Variants in TAFAZZIN observed in about 807,000 individuals in gnomAD.
TAFAZZIN encodes the protein protein G4.5.
In TAFAZZIN, 6 loss-of-function variants were observed where a neutral mutation model predicts 27.3. The observed-to-expected ratio is 0.22, with a 90% confidence interval of 0.12 to 0.43. The LOEUF is 0.43. Ranked by LOEUF, TAFAZZIN falls within the 20% of genes least tolerant of loss-of-function variation. The pLI is 1.00. For synonymous variants in TAFAZZIN, 79 were observed against 96.2 expected (o/e 0.82, Z 1.04); for missense variants, 127 against 244.5 (o/e 0.52, Z 3.21).
intron 5 of TAFAZZIN, among the ~76,000 whole-genome samples, chrX:154,414,700 A>C (rs2068431343): frequency 1.0e-5 from 1 of 96,519 alleles, no homozygotes; most frequent in Non-Finnish European, 2.1e-5. Context: ...TCAAAAAAAA[A>C]AAAAAAAGTG....
At chrX:154,415,999 C>T (rs1557192814) in intron 5 of TAFAZZIN, among the ~76,000 whole-genome samples, 2 of 110,623 alleles carry the variant, frequency 1.8e-5, no homozygotes, top group African/African-American at 6.6e-5. Context: ...TGGCTCATGC[C>T]TGTAATCCCA....
intron 9 of TAFAZZIN, 67 bp from the exon 10 acceptor site, chrX:154,420,591 G>A (rs1311375057): frequency 7.8e-6 from 9 of 1,147,225 alleles, no homozygotes; most frequent in African/African-American, 1.8e-5. Flanking sequence ...TCTGGCTCCC[G>A]GGTTGCTTGG....
chrX:154,413,168 T>C lies in TAFAZZIN; in HGVS notation c.239-39T>C, dbSNP rs782511473. On this transcript the variant is annotated intron_variant, in intron 2 of 10. Coordinates refer to ENST00000601016, the MANE Select transcript of TAFAZZIN (RefSeq NM_000116.5). ...GTGAAGGAAGGGCACTCCCTGGGGATATGGGAAGTTGGGGCATGAAGCCTT... is the reference window on the plus strand; with the variant it reads ...GTGAAGGAAGGGCACTCCCTGGGGACATGGGAAGTTGGGGCATGAAGCCTT... 5.8e-6 allele frequency: 7 copies of C among 1,207,891 alleles called. No homozygotes were observed. In the African/African-American group the frequency reaches 8.7e-5, roughly 15 times the overall value.
intron 5 of TAFAZZIN, among the ~76,000 whole-genome samples, chrX:154,417,143 A>C (rs2068514411): frequency 9.0e-6 from 1 of 111,449 alleles, no homozygotes; most frequent in African/African-American, 3.3e-5. Flanking sequence ...TCAAAAAAAA[A>C]AAAAACAAAA....
intron 2 of TAFAZZIN, chrX:154,412,793 C>T: frequency 4.1e-6 from 1 of 243,816 alleles, no homozygotes; most frequent in Non-Finnish European, 7.5e-6. Flanking sequence ...TCATGGGGAG[C>T]CACCTAGCCA....
chrX:154,419,739 C>G lies in TAFAZZIN; in HGVS notation c.576C>G (p.Phe192Leu), dbSNP rs1557193924. Residue 192 changes from phenylalanine to leucine, a missense_variant, in exon 7 of 11, where the codon TTC (phenylalanine) becomes TTG (leucine). By Grantham distance (22) the Phe-to-Leu change is conservative (BLOSUM62 0). Coordinates refer to ENST00000601016, the MANE Select transcript of TAFAZZIN (RefSeq NM_000116.5). The stretch of plus-strand genomic sequence containing the variant: ...ACATGAGTTCCGAATTCCTGCGTTT[C>G]AAGTGGGGTAAGGGCTGCTGGTCTC... ...KVNMSSEFLR[F>L]KWGIGRLIAE... 2.5e-6 allele frequency: 3 copies of G among 1,212,378 alleles called. No individual in the cohort carries two copies. In the East Asian group the frequency reaches 8.9e-5, roughly 36 times the overall value.
chrX:154,420,540 C>T, intron 9 of TAFAZZIN, 118 bp from the exon 10 acceptor site: 1 of 856,578 alleles, frequency 1.2e-6, no homozygotes, highest in Non-Finnish European at 1.7e-6. Flanking sequence ...GGAAGAGTGG[C>T]CCCTGGGGAG....
Position 154,411,861 on chromosome X carries a change from G to A in TAFAZZIN, c.18G>A (p.Lys6=). The change falls in exon 1 of 11, where the codon AAG becomes AAA. Residue 6 remains lysine (K), a synonymous_variant. Transcript: ENST00000601016. ...GGGTGGGGATGCCTCTGCACGTGAA[G>A]TGGCCGTTCCCCGCGGTGCCGCCGC... MPLHV[K]WPFPAVPPLT... The A allele has an allele frequency of 8.3e-7, 1 of 1,200,571 alleles. No homozygotes were observed. Among genetic ancestry groups the A allele is most frequent in the Non-Finnish European group, 1.1e-6 (1 of 892,325 alleles).
chrX:154,419,498 G>A (rs781983003), intron 5 of TAFAZZIN, 45 bp from the exon 6 acceptor site: 155 of 1,179,016 alleles, frequency 1.3e-4, no homozygotes, highest in Admixed American at 1.1e-3. Flanking sequence ...GTCACCCCAC[G>A]CCCCCGAGAA....
chrX:154,419,039 G>A, intron 5 of TAFAZZIN: 1 of 153,146 alleles, frequency 6.5e-6, no homozygotes, highest in Non-Finnish European at 1.3e-5. Context: ...AGGAACGCAT[G>A]AGGCTCCGAG....
intron 2 of TAFAZZIN, 99 bp from the exon 3 acceptor site, chrX:154,413,108 T>G: frequency 8.9e-7 from 1 of 1,121,061 alleles, no homozygotes; most frequent in Non-Finnish European, 1.2e-6. Context: ...TGTAGGGAAA[T>G]GGTAGTGCTG....
chrX:154,421,714 G>T lies in TAFAZZIN; in HGVS notation c.*710G>T, dbSNP rs782511617. The T allele has an allele frequency of 1.4e-4, 46 of 328,307 alleles. No homozygotes were observed. The highest frequency in any genetic ancestry group is 2.4e-4 in the Non-Finnish European group (41 of 169,833). The allele number at this position is 328,307 out of a possible 1,213,427, so 27.1% of individuals were successfully genotyped here. ...ACAGAACCATAAAGCATATGTGTTG[G>T]CTTGTTGTAAAATGTCTCTGGCCTC... On this transcript the variant is annotated 3_prime_UTR_variant, in exon 11 of 11. Coordinates refer to ENST00000601016, the MANE Select transcript of TAFAZZIN (RefSeq NM_000116.5).
chrX:154,414,080 A>G, intron 4 of TAFAZZIN, 21 bp from the exon 5 acceptor site: 1 of 1,109,325 alleles, frequency 9.0e-7, no homozygotes, highest in Non-Finnish European at 1.2e-6. Flanking sequence ...ATTTGAATCC[A>G]GATTGCTCCT....
chrX:154,419,772 A>C, intron 7 of TAFAZZIN, 26 bp downstream of exon 7: 1 of 1,211,711 alleles, frequency 8.3e-7, no homozygotes. Flanking sequence ...CTCTGGCCAC[A>C]GCCATCCTCC....
At chrX:154,415,006 A>G (rs1447870591) in intron 5 of TAFAZZIN, among the ~76,000 whole-genome samples, 2 of 109,430 alleles carry the variant, frequency 1.8e-5, no homozygotes, top group Non-Finnish European at 3.8e-5. Context: ...AAAAAAAAAA[A>G]AAAGAATTTT....
chrX:154,418,409 C>A (rs1452740823), intron 5 of TAFAZZIN: 1 of 112,589 alleles, frequency 8.9e-6, no homozygotes, highest in African/African-American at 3.2e-5. Context: ...TCTTTACTCC[C>A]CACTTTATAA....
Position 154,413,531 on chromosome X carries a change from T to C in TAFAZZIN, c.334T>C (p.Phe112Leu), listed in dbSNP as rs1281729528. 4 of 1,212,289 alleles carry C rather than the reference T, an allele frequency of 3.3e-6. No individual in the cohort carries two copies. Among genetic ancestry groups the C allele is most frequent in the Non-Finnish European group, 4.5e-6 (4 of 895,611 alleles). ...CTTCACCAAGGAGCTACACTCCCAC[T>C]TCTTCAGCTTGGGCAAGTGTGTGCC... is the stretch of plus-strand genomic sequence containing the variant. ...ICFTKELHSH[F>L]FSLGKCVPVC... Residue 112 changes from phenylalanine (F) to leucine (L), a missense_variant, in exon 4 of 11, where the codon TTC becomes CTC. This residue lies in a region of TAFAZZIN where 79 missense variants were observed against 188.7 expected (regional missense o/e 0.42). Transcript: ENST00000601016.
chrX:154,416,075 A>G (rs1218097185), intron 5 of TAFAZZIN, among the ~76,000 whole-genome samples: 1 of 107,092 alleles, frequency 9.3e-6, no homozygotes, highest in Admixed American at 1.0e-4. Flanking sequence ...CCTGACCAAC[A>G]TGGCGAAACC....
At chrX:154,416,234 C>T (rs1324244960) in intron 5 of TAFAZZIN, among the ~76,000 whole-genome samples, 1 of 111,729 alleles carries the variant, frequency 9.0e-6, no homozygotes, top group Non-Finnish European at 1.9e-5. Flanking sequence ...CCCGTCTCTA[C>T]TAAAAACACA....
Sources: gnomAD v4.1 joint callset for allele counts (sites outside exome capture counted in the v4.1 genomes callset) on GRCh38, gnomAD v4.1.1 for gene constraint, gnomAD v4.1.1 regional missense constraint, MANE v1.5 for transcripts, NCBI Gene and HGNC (gene_info 2026-07-23, HGNC 2026-07-21) for gene names.